Variants in ASXL3 observed in about 807,000 individuals in gnomAD.
ASXL3 encodes the protein ASXL transcriptional regulator 3, also known as putative Polycomb group protein ASXL3.
In ASXL3, 34 loss-of-function variants were observed where a neutral mutation model predicts 170.6. The observed-to-expected ratio is 0.20, with a 90% CI of 0.15 to 0.27. The LOEUF (loss-of-function observed/expected upper bound fraction) is 0.27, where lower values mean the gene tolerates loss of function less well. ASXL3 is among the 10% of genes least tolerant of loss of function. The pLI is 1.00. For missense variants in ASXL3, 2,592 were observed against 2,695.3 expected (o/e 0.96, Z 0.85); for synonymous variants, 1,002 against 989.1 (o/e 1.01, Z -0.24).
chr18:33,612,304 A>T (rs1446422931), intron 2 of ASXL3, among the ~76,000 whole-genome samples: 2 of 152,104 alleles, frequency 1.3e-5, no homozygotes, highest in South Asian at 2.1e-4. Context: ...TTTTAGATTT[A>T]AAAACTATGT....
In ASXL3 at chr18:33,746,933, C is replaced by G. The variant is rs75389654; in HGVS notation, c.*338C>G. The G allele has an allele frequency of 5.0e-6, 1 of 201,444 alleles. No individual in the cohort carries two copies. The highest frequency in any genetic ancestry group is 1.1e-4 in the East Asian group (1 of 8,872). 12.5% of individuals were successfully genotyped at this position (201,444 alleles called of 1,614,324 possible). A position where few individuals can be genotyped will look rare whatever the true frequency, so the allele number is the denominator to read the frequency against. On this transcript the variant is annotated 3_prime_UTR_variant, in exon 12 of 12. Transcript: ENST00000269197. ...AGGACATTTTTAATTACTTAATAACCGGAAATGCAGATGTGTAAGGAGAAT... is the reference window on the plus strand; with the variant it reads ...AGGACATTTTTAATTACTTAATAACGGGAAATGCAGATGTGTAAGGAGAAT...
intron 1 of ASXL3, among the ~76,000 whole-genome samples, chr18:33,595,496 G>A (rs2065117745): frequency 6.6e-6 from 1 of 152,120 alleles, no homozygotes; most frequent in Non-Finnish European, 1.5e-5. Context: ...TGAACACATT[G>A]GTCATGAAAC....
chr18:33,618,118 T>C (rs1468457730), intron 2 of ASXL3, among the ~76,000 whole-genome samples: 1 of 152,200 alleles, frequency 6.6e-6, no homozygotes, highest in African/African-American at 2.4e-5. Flanking sequence ...ATAAAAATTA[T>C]ATTTTTGTTG....
At position 33,744,123 on chromosome 18, in the gene ASXL3, T is replaced by C. The variant is rs750774933; in HGVS notation, c.4275T>C (p.Ser1425=). The change falls in exon 12 of 12, where the codon TCT becomes TCC. Residue 1425 remains serine (S), a synonymous_variant. Transcript: ENST00000269197. ...MFTGNMLTIN[S]YDSPPKLSAE... is the part of the protein sequence containing the mutation. Reference sequence around the variant, plus strand: ...CTGGAAACATGCTGACAATAAACTCTTATGATAGTCCTCCCAAGTTAAGTG... The same window carrying C: ...CTGGAAACATGCTGACAATAAACTCCTATGATAGTCCTCCCAAGTTAAGTG... 21 of 1,613,888 alleles carry C rather than the reference T, an allele frequency of 1.3e-5. No individual in the cohort carries two copies. In the Admixed American group the frequency reaches 3.3e-4, roughly 26 times the overall value.
At chr18:33,707,755 T>C (rs1017884563) in intron 8 of ASXL3, among the ~76,000 whole-genome samples, 10 of 152,000 alleles carry the variant, frequency 6.6e-5, no homozygotes, top group Admixed American at 2.0e-4. Context: ...AAACTTCGGT[T>C]TAAAGATTTT....
chr18:33,636,613 A>AAAGTTGGGGC (rs2065770312), intron 2 of ASXL3, among the ~76,000 whole-genome samples: 2 of 152,118 alleles, frequency 1.3e-5, no homozygotes, highest in South Asian at 4.1e-4. Flanking sequence ...TTTGTGATGC[A>AAAGTTGGGGC]TCAGTCATGG....
chr18:33,701,271 C>T (rs562948350), intron 8 of ASXL3, among the ~76,000 whole-genome samples: 2 of 151,670 alleles, frequency 1.3e-5, no homozygotes, highest in East Asian at 3.9e-4. Flanking sequence ...TTTGTCTATT[C>T]TGGGTCCCTG....
rs1347479299 is a variant in ASXL3, at chr18:33,578,520, C to A, written c.-112C>A. ...CCGCCACCGCCCGCGCGCCTCCCCC[C>A]GCGGAGCGAGTGCGGGTCACCGGGT... On this transcript the variant is annotated 5_prime_UTR_variant, in exon 1 of 12. Transcript: ENST00000269197. 1.6e-5 allele frequency: 9 copies of A among 561,308 alleles called. No homozygotes were observed. The highest frequency in any genetic ancestry group is 2.1e-5 in the African/African-American group (1 of 46,902). The allele number at this position is 561,308 out of a possible 1,614,324, so 34.8% of individuals were successfully genotyped here.
At chr18:33,661,475 A>G in intron 4 of ASXL3, 141 bp from the exon 5 acceptor site, 2 of 711,902 alleles carry the variant, frequency 2.8e-6, no homozygotes, top group Non-Finnish European at 2.3e-6. Context: ...CTTCATATGT[A>G]GATACTATTC....
At position 33,742,996 on chromosome 18, in the gene ASXL3, G is replaced by A; in HGVS notation, c.3148G>A (p.Gly1050Arg). Reference protein sequence around the residue: ...STSVSGGRNTGARTLADIKAR... With the variant: ...STSVSGGRNTRARTLADIKAR... ...ATCTGTCAGTGGCGGGAGGAACACA[G>A]GAGCCAGGACCCTCGCAGATATCAA... is the stretch of plus-strand genomic sequence containing the variant. The change falls in exon 12 of 12, where the codon GGA (glycine) becomes AGA (arginine). Residue 1050 changes from glycine to arginine, a missense_variant. This residue lies in a region of ASXL3 where 2,246 missense variants were observed against 2,219.6 expected (regional missense o/e 1.01). Transcript: ENST00000269197. 1 of 1,613,706 alleles carries A rather than the reference G, an allele frequency of 6.2e-7. No homozygotes were observed. The highest frequency in any genetic ancestry group is 1.3e-5 in the African/African-American group (1 of 75,006).
chr18:33,712,572 C>T (rs1443062993), intron 8 of ASXL3, among the ~76,000 whole-genome samples: 1 of 152,164 alleles, frequency 6.6e-6, no homozygotes, highest in African/African-American at 2.4e-5. Context: ...AAAAGCTCCT[C>T]TGATGATTTT....
rs2067612515 is a variant in ASXL3 at position 33,739,366 on chromosome 18, T to C, written c.1962T>C (p.Ser654=). The stretch of plus-strand genomic sequence containing the variant: ...AGACAACATTTTGTTCTGAGGTATC[T>C]AGCACTGAAAATACAGACAAATACA... ...SLETTFCSEV[S]STENTDKYNQ... Residue 654 remains serine, a synonymous_variant, in exon 11 of 12, where the codon TCT becomes TCC. Coordinates refer to ENST00000269197, the MANE Select transcript of ASXL3 (RefSeq NM_030632.3). The C allele has an allele frequency of 6.2e-7, 1 of 1,613,762 alleles. No homozygotes were observed. Among genetic ancestry groups the C allele is most frequent in the Non-Finnish European group, 8.5e-7 (1 of 1,179,756 alleles).
intron 8 of ASXL3, chr18:33,690,397 A>C (rs376766413): frequency 6.6e-6 from 1 of 152,204 alleles, no homozygotes; most frequent in African/African-American, 2.4e-5. Context: ...ATGTATAGGT[A>C]TGAATACCCA....
At chr18:33,737,434 C>T (rs969245254) in intron 10 of ASXL3, among the ~76,000 whole-genome samples, 12 of 152,146 alleles carry the variant, frequency 7.9e-5, no homozygotes, top group African/African-American at 2.4e-4. Context: ...AATTTAACTT[C>T]ATTTAGAGCA....
At chr18:33,694,631 G>A (rs1218599936) in intron 8 of ASXL3, among the ~76,000 whole-genome samples, 1 of 151,466 alleles carries the variant, frequency 6.6e-6, no homozygotes, top group Admixed American at 6.6e-5. Flanking sequence ...AATGGTAATT[G>A]CAGCATTTTA....
chr18:33,678,104 A>G (rs2066458256), intron 7 of ASXL3, among the ~76,000 whole-genome samples: 2 of 148,884 alleles, frequency 1.3e-5, no homozygotes, highest in Admixed American at 6.6e-5. Context: ...TTATTTATTT[A>G]TTTATTTTGG....
chr18:33,681,101 T>A (rs1437853509), intron 7 of ASXL3, among the ~76,000 whole-genome samples: 1 of 152,072 alleles, frequency 6.6e-6, no homozygotes, highest in East Asian at 1.9e-4. Context: ...TTCATATCTC[T>A]CTTGTTCCCA....
At position 33,739,568 on chromosome 18, in the gene ASXL3, T is replaced by C. The variant is rs1001593151; in HGVS notation, c.2164T>C (p.Leu722=). 3 of 1,614,022 alleles carry C rather than the reference T, an allele frequency of 1.9e-6. No individual in the cohort carries two copies. Among genetic ancestry groups the C allele is most frequent in the Non-Finnish European group, 1.7e-6 (2 of 1,179,886 alleles). Residue 722 remains leucine (L), a synonymous_variant, in exon 11 of 12, where the codon TTA becomes CTA. Transcript: ENST00000269197. ...LTSETSPMSD[L]PLTSETSSVS... Reference sequence around the variant, plus strand: ...ATCAGAAACCTCACCGATGTCTGACTTACCTTTAACATCAGAAACTTCTTC... The same window carrying C: ...ATCAGAAACCTCACCGATGTCTGACCTACCTTTAACATCAGAAACTTCTTC...
rs559782630 is a variant in ASXL3 at position 33,619,728 on chromosome 18, G to A, written c.137+12052G>A. The stretch of plus-strand genomic sequence containing the variant: ...TTACAGATTGAAATTCTTGTTTCTT[G>A]CTAACCTACTAGTCAAATCATAATT... On this transcript the variant is annotated intron_variant, in intron 2 of 11. Coordinates refer to ENST00000269197, the MANE Select transcript of ASXL3 (RefSeq NM_030632.3). Among the ~76,000 whole-genome samples, 5 of 152,150 alleles carry A rather than the reference G, an allele frequency of 3.3e-5. No homozygotes were observed. In the South Asian group the frequency reaches 1.0e-3, roughly 32 times the overall value.
Sources: allele counts gnomAD v4.1 joint callset (sites outside exome capture counted in the v4.1 genomes callset), GRCh38; gene constraint gnomAD v4.1.1; regional missense constraint gnomAD v4.1.1; transcripts MANE v1.5; gene names NCBI Gene and HGNC (gene_info 2026-07-23, HGNC 2026-07-21).